Variants in VGLL4 observed in about 807,000 individuals in gnomAD.
VGLL4 encodes transcription cofactor vestigial-like protein 4.
A neutral mutation model predicts 21.0 loss-of-function variants in VGLL4; 7 were observed. That is an observed-to-expected ratio of 0.33 (90% confidence interval 0.19 to 0.63). The LOEUF (loss-of-function observed/expected upper bound fraction) is 0.63, where lower values mean the gene tolerates loss of function less well. Among genes scored for constraint, VGLL4 ranks in the 20% least tolerant of loss-of-function variants. The pLI, the probability that VGLL4 is intolerant of heterozygous loss-of-function variation, is 0.78. For missense variants in VGLL4, 394 were observed against 425.7 expected, an observed-to-expected ratio of 0.93 and a Z score of 0.66; for synonymous variants, 222 against 173.2, an observed-to-expected ratio of 1.28 and a Z score of -2.21.
upstream of VGLL4, among the ~76,000 whole-genome samples, chr3:11,647,538 C>G (rs1249603948): frequency 2.6e-5 from 4 of 152,290 alleles, no homozygotes; most frequent in South Asian, 8.3e-4. Context: ...TTGAGCATCT[C>G]TAATTTTAAA....
At chr3:11,704,383 C>CAAAAAAAAAAAA (rs57593843) in intron 1 of VGLL4, among the ~76,000 whole-genome samples, 110 of 69,020 alleles carry the variant, frequency 1.6e-3, no homozygotes, top group Non-Finnish European at 2.4e-3. Context: ...AACTCCGTCT[C>CAAAAAAAAAAAA]AAAAAAAAAA....
At chr3:11,623,950 C>T (rs970571124) in intron 1 of VGLL4, among the ~76,000 whole-genome samples, 1 of 152,090 alleles carries the variant, frequency 6.6e-6, no homozygotes, top group Non-Finnish European at 1.5e-5. Flanking sequence ...CCATGTTGCC[C>T]AGGCTGGTCT....
intron 1 of VGLL4, among the ~76,000 whole-genome samples, chr3:11,708,383 G>A (rs1296035329): frequency 6.6e-6 from 1 of 152,190 alleles, no homozygotes; most frequent in African/African-American, 2.4e-5. Context: ...GAAAGAGCAG[G>A]GAGGGTGGGA....
rs1451263151 is a variant in VGLL4 at position 11,590,663 on chromosome 3, A to AGAGTGT, written c.272+11169_272+11170insACACTC. ...TCTGTGAAGAAATTTCAAAATGAAG[A>AGAGTGT]GTGTGTGTGTGTGTGTGTGTGTGTG... On this transcript the variant is annotated intron_variant, in intron 2 of 4. Transcript: ENST00000430365. Among the ~76,000 whole-genome samples, 3 of 147,274 alleles carry AGAGTGT rather than the reference A, an allele frequency of 2.0e-5. No individual in the cohort carries two copies. In the East Asian group the frequency reaches 6.0e-4, roughly 30 times the overall value.
rs561062329 is a variant in VGLL4 at position 11,573,160 on chromosome 3, C to T, written c.273-8141G>A. 5.4e-5 allele frequency among the ~76,000 whole-genome samples: 8 copies of T among 149,212 alleles called. No individual in the cohort carries two copies. In the East Asian group the frequency reaches 1.4e-3, roughly 26 times the overall value. ...CAACCTGGGTGACAGGGCAAGACTCCGTCTCAAGAAAGAAAGACAGACAGA... is the reference window on the plus strand; with the variant it reads ...CAACCTGGGTGACAGGGCAAGACTCTGTCTCAAGAAAGAAAGACAGACAGA... On this transcript the variant is annotated intron_variant, in intron 2 of 4. Coordinates refer to ENST00000430365, the MANE Select transcript of VGLL4 (RefSeq NM_001128219.3).
At chr3:11,619,056 AT>A (rs1170152230) in intron 1 of VGLL4, among the ~76,000 whole-genome samples, 1 of 152,198 alleles carries the variant, frequency 6.6e-6, no homozygotes, top group African/African-American at 2.4e-5. Flanking sequence ...CCTACTTCAG[AT>A]CTCTCCTTAG....
At chr3:11,582,612 C>G (rs145171310) in intron 2 of VGLL4, among the ~76,000 whole-genome samples, 1 of 152,212 alleles carries the variant, frequency 6.6e-6, no homozygotes, top group Non-Finnish European at 1.5e-5. Flanking sequence ...AATTACAGCA[C>G]GCGATTTCCT....
chr3:11,586,549 A>G (rs763103379), intron 2 of VGLL4, among the ~76,000 whole-genome samples: 5 of 152,230 alleles, frequency 3.3e-5, no homozygotes, highest in African/African-American at 4.8e-5. Context: ...GCTTAGGAAT[A>G]ATAATTCCCT....
chr3:11,667,102 A>G lies in VGLL4; in HGVS notation c.64+35869T>C, dbSNP rs185117904. 7.9e-5 allele frequency among the ~76,000 whole-genome samples: 12 copies of G among 152,302 alleles called. No individual in the cohort carries two copies. The East Asian group carries it at 1.7e-3, about 22-fold the overall frequency. On this transcript the variant is annotated intron_variant, in intron 2 of 5. Coordinates refer to the VGLL4 transcript ENST00000273038. ...AAAGAAAAAGACCCCATAAATTTCT[A>G]TCTCTGGCCTCTTTGCACCACAGGT...
At chr3:11,640,994 GTAATCCCAGC>G (rs2075677912) in intron 1 of VGLL4, among the ~76,000 whole-genome samples, 1 of 151,910 alleles carries the variant, frequency 6.6e-6, no homozygotes, top group Admixed American at 6.6e-5. Flanking sequence ...GCAGGCACCT[GTAATCCCAGC>G]TACTCAGGAG....
chr3:11,602,219 C>G (rs982705227), intron 1 of VGLL4, among the ~76,000 whole-genome samples, 197 bp from the exon 2 acceptor site: 11 of 152,192 alleles, frequency 7.2e-5, no homozygotes, highest in Non-Finnish European at 1.3e-4. Flanking sequence ...CATTTTACAT[C>G]AACGTGGTTT....
In VGLL4 at chr3:11,643,812, G is replaced by A. The variant is rs1380810855; in HGVS notation, c.-294C>T. On this transcript the variant is annotated 5_prime_UTR_variant, in exon 1 of 5. Coordinates refer to ENST00000430365, the MANE Select transcript of VGLL4 (RefSeq NM_001128219.3). ...TCCTTACAAGTCCTTCCTGGAAATGGAAAAGAGTGAAAAAGAGAAACGCGC... is the reference window on the plus strand; with the variant it reads ...TCCTTACAAGTCCTTCCTGGAAATGAAAAAGAGTGAAAAAGAGAAACGCGC... The A allele has an allele frequency of 1.0e-5, 11 of 1,100,586 alleles. No homozygotes were observed. In the East Asian group the frequency reaches 3.6e-4, roughly 36 times the overall value. The allele number at this position is 1,100,586 out of a possible 1,614,324, so 68.2% of individuals were successfully genotyped here.
In VGLL4 at chr3:11,592,093, G is replaced by A. The variant is rs185487526; in HGVS notation, c.272+9740C>T. On this transcript the variant is annotated intron_variant, in intron 2 of 4. Coordinates refer to ENST00000430365, the MANE Select transcript of VGLL4 (RefSeq NM_001128219.3). ...CAAGTTTAGACTATGCCAAGGAGGCGTGGCAGAAAGAAAGAGCAGATAGTT... is the reference window on the plus strand; with the variant it reads ...CAAGTTTAGACTATGCCAAGGAGGCATGGCAGAAAGAAAGAGCAGATAGTT... 7.9e-5 allele frequency among the ~76,000 whole-genome samples: 12 copies of A among 152,372 alleles called. No homozygotes were observed. The East Asian group carries it at 1.2e-3, about 15-fold the overall frequency.
intron 2 of VGLL4, chr3:11,702,821 G>A: frequency 2.0e-6 from 1 of 487,912 alleles, no homozygotes; most frequent in Non-Finnish European, 3.5e-6. Context: ...TACAAATGAG[G>A]ATGTGAAGCT....
intron 2 of VGLL4, among the ~76,000 whole-genome samples, chr3:11,690,606 T>C (rs567291324): frequency 8.6e-5 from 13 of 151,628 alleles, no homozygotes; most frequent in Middle Eastern, 3.4e-3. Context: ...CAAGGTAAGG[T>C]CCACAAAAGA....
intron 1 of VGLL4, among the ~76,000 whole-genome samples, chr3:11,621,149 G>A (rs2075259396): frequency 5.3e-5 from 8 of 152,190 alleles, no homozygotes. Flanking sequence ...TCCACATTAA[G>A]TCTCCAACTT....
intron 2 of VGLL4, among the ~76,000 whole-genome samples, chr3:11,651,753 TA>T (rs764009114): frequency 0.028 from 3,990 of 144,416 alleles, 158 homozygotes; most frequent in African/African-American, 0.086. Context: ...GTAGCTGATT[TA>T]AAAAAAAAAA....
intron 1 of VGLL4, among the ~76,000 whole-genome samples, chr3:11,608,962 A>G (rs2075004051): frequency 6.6e-6 from 1 of 152,110 alleles, no homozygotes; most frequent in Non-Finnish European, 1.5e-5. Flanking sequence ...CCTGGGTTCA[A>G]GTGATTCTCC....
intron 2 of VGLL4, among the ~76,000 whole-genome samples, chr3:11,690,069 A>G (rs1226390885): frequency 6.6e-6 from 1 of 152,170 alleles, no homozygotes; most frequent in African/African-American, 2.4e-5. Flanking sequence ...AGACCATTGT[A>G]TAAATGTAAT....
Sources: allele counts gnomAD v4.1 joint callset (sites outside exome capture counted in the v4.1 genomes callset), GRCh38; gene constraint gnomAD v4.1.1; transcripts MANE v1.5; gene names NCBI Gene and HGNC (gene_info 2026-07-23, HGNC 2026-07-21).